Variants in STIM2 observed in about 807,000 individuals in gnomAD.
STIM2 encodes the protein stromal interaction molecule 2.
In STIM2, 31 loss-of-function variants were observed where a neutral mutation model predicts 85.8. The observed-to-expected ratio is 0.36, with a 90% CI of 0.27 to 0.49. The LOEUF (loss-of-function observed/expected upper bound fraction) is 0.49. STIM2 is among the 20% of genes least tolerant of loss of function. The pLI is 0.98. For missense variants in STIM2, 841 were observed against 927.6 expected (o/e 0.91, Z 1.21); for synonymous variants, 356 against 331.1 (o/e 1.08, Z -0.82).
At chr4:26,881,975 T>C (rs1723030846) in intron 1 of STIM2, among the ~76,000 whole-genome samples, 1 of 152,250 alleles carries the variant, frequency 6.6e-6, no homozygotes, top group South Asian at 2.1e-4. Context: ...ATGTATTTAC[T>C]GACAGATTGC....
intron 3 of STIM2, among the ~76,000 whole-genome samples, chr4:26,959,252 C>T (rs753160151): frequency 3.3e-5 from 5 of 152,158 alleles, no homozygotes; most frequent in East Asian, 1.9e-4. Flanking sequence ...GCATCTCTCT[C>T]GCTCACTGTG....
At chr4:26,959,132 T>G (rs565836358) in intron 3 of STIM2, among the ~76,000 whole-genome samples, 8 of 152,324 alleles carry the variant, frequency 5.3e-5, no homozygotes, top group African/African-American at 1.9e-4. Context: ...TGCTCATTAC[T>G]CTGTAGTGAC....
intron 7 of STIM2, among the ~76,000 whole-genome samples, chr4:27,006,091 C>T (rs1470346311): frequency 1.3e-5 from 2 of 152,130 alleles, no homozygotes; most frequent in African/African-American, 4.8e-5. Context: ...TTATTAAACA[C>T]AGTATTGTCC....
At chr4:26,867,069 CTATT>C (rs1354278020) in intron 1 of STIM2, among the ~76,000 whole-genome samples, 4 of 152,024 alleles carry the variant, frequency 2.6e-5, no homozygotes, top group Non-Finnish European at 4.4e-5. Context: ...AGTTAGGAAA[CTATT>C]TAGAAGGAGA....
rs1304032357 is a variant in STIM2, at chr4:26,919,781, C to T, written c.282+147C>T. On this transcript the variant is annotated intron_variant, in intron 2 of 11. Coordinates refer to ENST00000467087, the MANE Select transcript of STIM2 (RefSeq NM_020860.4). ...TTTTCTTTTTACATGTTAATTTTAC[C>T]CTTAATAAACATTTACATGGTTTTT... 1.9e-5 allele frequency: 18 copies of T among 938,558 alleles called. No individual in the cohort carries two copies. In the South Asian group the frequency reaches 3.1e-4, roughly 16 times the overall value. 58.1% of individuals were successfully genotyped at this position (938,558 alleles called of 1,614,324 possible). A position where few individuals can be genotyped will look rare whatever the true frequency, so the allele number is the denominator to read the frequency against.
In STIM2 at chr4:27,023,165, C is replaced by T; in HGVS notation, c.*169C>T. On this transcript the variant is annotated 3_prime_UTR_variant, in exon 12 of 12. Coordinates refer to ENST00000467087, the MANE Select transcript of STIM2 (RefSeq NM_020860.4). ...CAGAAGGGCAACTGTCTACTGTCTG[C>T]TTATTTAAGTGACTATATATAATCA... 1.5e-6 allele frequency: 1 copy of T among 649,914 alleles called. No homozygotes were observed. The allele number at this position is 649,914 out of a possible 1,614,324, so 40.3% of individuals were successfully genotyped here.
At chr4:26,961,002 T>C (rs903434432) in intron 3 of STIM2, among the ~76,000 whole-genome samples, 1 of 148,876 alleles carries the variant, frequency 6.7e-6, no homozygotes, top group Non-Finnish European at 1.5e-5. Context: ...AGTGCGCTAC[T>C]GCACTCCGTC....
At chr4:26,968,233 T>G (rs1726807100) in intron 3 of STIM2, among the ~76,000 whole-genome samples, 1 of 152,074 alleles carries the variant, frequency 6.6e-6, no homozygotes, top group Non-Finnish European at 1.5e-5. Flanking sequence ...GTGACATACA[T>G]GCACACTCAC....
At chr4:26,868,669 T>C (rs1722491529) in intron 1 of STIM2, among the ~76,000 whole-genome samples, 1 of 152,248 alleles carries the variant, frequency 6.6e-6, no homozygotes, top group Non-Finnish European at 1.5e-5. Context: ...CCATGTTTTC[T>C]ATTACTGTCT....
chr4:26,879,968 C>T (rs895120767), intron 1 of STIM2, among the ~76,000 whole-genome samples: 1 of 152,180 alleles, frequency 6.6e-6, no homozygotes, highest in Non-Finnish European at 1.5e-5. Context: ...GGGATTCCTG[C>T]AGTACCTTCC....
At chr4:27,014,252 T>C (rs968003057) in intron 10 of STIM2, among the ~76,000 whole-genome samples, 3 of 151,934 alleles carry the variant, frequency 2.0e-5, no homozygotes, top group Non-Finnish European at 4.4e-5. Context: ...TTTTAATATT[T>C]ATACACCTCC....
intron 1 of STIM2, among the ~76,000 whole-genome samples, chr4:26,902,495 A>T (rs1056295911): frequency 6.6e-6 from 1 of 152,166 alleles, no homozygotes; most frequent in Non-Finnish European, 1.5e-5. Flanking sequence ...ATGGAAGCCA[A>T]ATTTATGCCT....
intron 1 of STIM2, among the ~76,000 whole-genome samples, chr4:26,906,110 A>T (rs1257705962): frequency 6.6e-6 from 1 of 152,228 alleles, no homozygotes; most frequent in Non-Finnish European, 1.5e-5. Context: ...AAAGAACAAG[A>T]TGATGTCATT....
intron 1 of STIM2, among the ~76,000 whole-genome samples, chr4:26,899,052 T>G (rs1359525355): frequency 3.9e-5 from 6 of 152,012 alleles, no homozygotes. Context: ...AATACAACCC[T>G]TCTCTTGTTC....
intron 1 of STIM2, chr4:26,861,667 C>G (rs984292207): frequency 3.7e-6 from 1 of 273,844 alleles, no homozygotes; most frequent in Non-Finnish European, 6.7e-6. Flanking sequence ...TGCAGAAGTG[C>G]CAGCAGGGTC....
At chr4:26,957,803 G>T in intron 3 of STIM2, 77 bp downstream of exon 3, 1 of 849,860 alleles carries the variant, frequency 1.2e-6, no homozygotes, top group Non-Finnish European at 1.9e-6. Flanking sequence ...CTCACTTATA[G>T]TATGCTTTTA....
chr4:27,002,231 T>A lies in STIM2; in HGVS notation c.640T>A (p.Trp214Arg), dbSNP rs752966483. Residue 214 changes from tryptophan (W) to arginine (R), a missense_variant, in exon 6 of 12, where the codon TGG becomes AGG. Around this residue, in one of 3 missense-constraint regions of STIM2, gnomAD observed 408 missense variants for 525.4 expected, o/e 0.78. Transcript: ENST00000467087. Reference sequence around the variant, plus strand: ...TCTTTTAATAGGCCCACCTCATAACTGGATGAAAGATTTTATCCTCACAGT... The same window carrying A: ...TCTTTTAATAGGCCCACCTCATAACAGGATGAAAGATTTTATCCTCACAGT... 7.5e-6 allele frequency: 12 copies of A among 1,609,354 alleles called. No homozygotes were observed. The South Asian group carries it at 1.2e-4, about 16-fold the overall frequency.
chr4:26,947,286 A>G (rs898409135), intron 2 of STIM2, among the ~76,000 whole-genome samples: 1 of 152,222 alleles, frequency 6.6e-6, no homozygotes, highest in Admixed American at 6.5e-5. Context: ...ATAAGTATGG[A>G]ATAAACATTT....
chr4:26,885,620 G>T (rs1326585287), intron 1 of STIM2, among the ~76,000 whole-genome samples: 1 of 151,664 alleles, frequency 6.6e-6, no homozygotes, highest in Non-Finnish European at 1.5e-5. Flanking sequence ...TTTAATGTGT[G>T]ATATTTGTGA....
Sources: gnomAD v4.1 joint callset for allele counts (sites outside exome capture counted in the v4.1 genomes callset) on GRCh38, gnomAD v4.1.1 for gene constraint, gnomAD v4.1.1 regional missense constraint, MANE v1.5 for transcripts, NCBI Gene and HGNC (gene_info 2026-07-23, HGNC 2026-07-21) for gene names.